Variants in RPF2 observed in about 807,000 individuals in gnomAD.
RPF2 encodes the protein brix domain containing 1.
RPF2 carries 21 observed loss-of-function variants against 38.9 expected under a neutral mutation model. The ratio of observed to expected loss-of-function variants is 0.54; its 90% confidence interval spans 0.38 to 0.78. RPF2 has a LOEUF of 0.78. RPF2 is among the 30% of genes least tolerant of loss of function. The pLI, the probability that RPF2 is intolerant of heterozygous loss-of-function variation, is 0.00. For synonymous variants in RPF2, 121 were observed against 126.2 expected (o/e 0.96, Z 0.28); for missense variants, 314 against 358.1 (o/e 0.88, Z 0.99).
At chr6:110,999,664 T>A (rs755109974) in intron 5 of RPF2, 47 bp from the exon 6 acceptor site, 1 of 1,227,140 alleles carries the variant, frequency 8.1e-7, no homozygotes, top group Admixed American at 1.7e-5. Flanking sequence ...ATATGTAAGG[T>A]GGCTCTTTGG....
intron 8 of RPF2, among the ~76,000 whole-genome samples, chr6:111,016,380 G>A (rs1266873511): frequency 1.3e-5 from 2 of 152,036 alleles, no homozygotes; most frequent in Non-Finnish European, 2.9e-5. Context: ...ATCACTTGAG[G>A]CCAGGAGTTC....
At chr6:110,997,412 G>A (rs1771735285) in intron 5 of RPF2, 148 bp downstream of exon 5, 1 of 575,008 alleles carries the variant, frequency 1.7e-6, no homozygotes, top group Non-Finnish European at 3.1e-6. Flanking sequence ...GAGACTGAGG[G>A]AAGTATTTGA....
intron 8 of RPF2, among the ~76,000 whole-genome samples, chr6:111,017,392 CGGAGA>C (rs1562375562): frequency 3.0e-5 from 3 of 98,458 alleles, no homozygotes; most frequent in African/African-American, 1.2e-4. Context: ...GGCTGCCAGG[CGGAGA>C]CGCTCCTCAC....
At chr6:111,004,482 G>A (rs1041963674) in intron 6 of RPF2, among the ~76,000 whole-genome samples, 4 of 151,044 alleles carry the variant, frequency 2.6e-5, no homozygotes, top group Non-Finnish European at 5.9e-5. Flanking sequence ...GTGCCCGGCC[G>A]TGACTAGTAT....
chr6:110,982,665 A>G (rs967252786), intron 1 of RPF2, among the ~76,000 whole-genome samples: 1 of 152,062 alleles, frequency 6.6e-6, no homozygotes, highest in African/African-American at 2.4e-5. Context: ...AACTTTGTAC[A>G]CTCCTCTGAG....
chr6:111,004,011 T>C (rs9384780), intron 6 of RPF2, among the ~76,000 whole-genome samples: 19,550 of 151,464 alleles, frequency 0.13, 1,727 homozygotes, highest in East Asian at 0.49. Context: ...CGGAGTTTCA[T>C]CATGTTAGTC....
chr6:111,003,662 AT>A (rs1266227072), intron 6 of RPF2, among the ~76,000 whole-genome samples: 3 of 151,804 alleles, frequency 2.0e-5, no homozygotes, highest in Middle Eastern at 3.2e-3. Flanking sequence ...TCTCTACAAA[AT>A]TTTTTTTTAA....
chr6:111,022,616 T>TTG (rs59484580), intron 8 of RPF2, among the ~76,000 whole-genome samples: 42,003 of 152,102 alleles, frequency 0.28, 6,178 homozygotes, highest in African/African-American at 0.4. Context: ...ATTAGGACGC[T>TTG]TGTGAATAAA....
intron 8 of RPF2, among the ~76,000 whole-genome samples, chr6:111,021,603 C>G (rs1772236212): frequency 6.6e-6 from 1 of 152,124 alleles, no homozygotes; most frequent in Non-Finnish European, 1.5e-5. Flanking sequence ...TTCTCAGGGT[C>G]TTTGTTTCTT....
intron 1 of RPF2, chr6:110,982,354 G>A: frequency 1.7e-6 from 1 of 598,228 alleles, no homozygotes; most frequent in Non-Finnish European, 3.0e-6. Context: ...TGGGATTGAA[G>A]CGTTGGCCGC....
chr6:111,001,954 G>A (rs1162229070), intron 6 of RPF2, among the ~76,000 whole-genome samples: 2 of 152,176 alleles, frequency 1.3e-5, no homozygotes, highest in South Asian at 2.1e-4. Context: ...GACAAGCCTG[G>A]GCAACGTAGT....
intron 8 of RPF2, among the ~76,000 whole-genome samples, chr6:111,016,670 C>CTTTTTTTTTTTTTT (rs71021821): frequency 8.2e-6 from 1 of 122,178 alleles, no homozygotes. Flanking sequence ...AATTGTGGTT[C>CTTTTTTTTTTTTTT]TTTTTTTTTT....
chr6:110,994,770 C>CAT (rs1554247831), intron 4 of RPF2, among the ~76,000 whole-genome samples: 7 of 146,002 alleles, frequency 4.8e-5, no homozygotes, highest in African/African-American at 1.6e-4. Flanking sequence ...CACACACACA[C>CAT]GAGTATGTAT....
intron 8 of RPF2, 151 bp from the exon 9 acceptor site, chr6:111,024,032 C>T (rs1274256581): frequency 5.1e-6 from 3 of 588,828 alleles, no homozygotes; most frequent in Non-Finnish European, 2.7e-6. Flanking sequence ...AAAGGATATA[C>T]TTGGCTTGAA....
chr6:111,003,336 G>T (rs1000477761), intron 6 of RPF2, among the ~76,000 whole-genome samples: 2 of 151,796 alleles, frequency 1.3e-5, no homozygotes, highest in African/African-American at 4.8e-5. Context: ...CGTCACCCAG[G>T]CTGGAGTGCA....
chr6:111,003,713 ACTT>A (rs577560704), intron 6 of RPF2, among the ~76,000 whole-genome samples: 161 of 152,170 alleles, frequency 1.1e-3, no homozygotes, highest in Non-Finnish European at 2.0e-3. Context: ...AGTCCCATCT[ACTT>A]GAGAGGCTGA....
At position 111,008,046 on chromosome 6, in the gene RPF2, ATG is replaced by A. The variant is rs1365605313; in HGVS notation, c.404_405del (p.Cys135SerfsTer2). On this transcript the variant is annotated frameshift_variant, in exon 7 of 10. Coordinates refer to ENST00000441448, the MANE Select transcript of RPF2 (RefSeq NM_032194.3). LOFTEE classifies it high-confidence loss of function. ...VSLKDIKNSK[C>X]PEGTKPMLIF... ...TTTTTTTTTTTTTTTAGAACAGTAA[ATG>A]TCCTGAGGGAACAAAACCCATGCTG... 1 of 1,578,050 alleles carries A rather than the reference ATG, an allele frequency of 6.3e-7. No homozygotes were observed. Among genetic ancestry groups the A allele is most frequent in the Non-Finnish European group, 8.6e-7 (1 of 1,167,236 alleles).
chr6:110,996,506 A>G (rs1032224055), intron 4 of RPF2, among the ~76,000 whole-genome samples: 35 of 152,172 alleles, frequency 2.3e-4, no homozygotes, highest in African/African-American at 8.2e-4. Context: ...TTTTGAATGT[A>G]TGCAATGATA....
rs139556150 is a variant in RPF2, at chr6:110,982,120, A to G, written c.14A>G (p.Asp5Gly). ...GTAGCGGTAGCGATGGACACTCTGGATCGAGTAGTGTAAGTGCGCTGGGTC... is the reference window on the plus strand; with the variant it reads ...GTAGCGGTAGCGATGGACACTCTGGGTCGAGTAGTGTAAGTGCGCTGGGTC... MDTL[D>G]RVVKPKTKRA... Residue 5 changes from aspartate to glycine, a missense_variant, in exon 1 of 10, where the codon GAT becomes GGT. Asp to Gly is a moderately conservative substitution (Grantham distance 94). Transcript: ENST00000441448. 12 of 1,614,064 alleles carry G rather than the reference A, an allele frequency of 7.4e-6. No homozygotes were observed. In the African/African-American group the frequency reaches 1.3e-4, roughly 18 times the overall value.
Sources: allele counts gnomAD v4.1 joint callset (sites outside exome capture counted in the v4.1 genomes callset), GRCh38; gene constraint gnomAD v4.1.1; transcripts MANE v1.5; gene names NCBI Gene and HGNC (gene_info 2026-07-23, HGNC 2026-07-21).